BBS9: variants seen among roughly 807,000 people sequenced by gnomAD.
BBS9 encodes the protein protein PTHB1.
A neutral mutation model predicts 117.7 loss-of-function variants in BBS9; 89 were observed. That is an observed-to-expected ratio of 0.76 (90% confidence interval 0.64 to 0.90). The LOEUF is 0.90. BBS9 is among the 40% of genes least tolerant of loss of function. BBS9 has a pLI of 0.00. For missense variants in BBS9, 982 were observed against 1,042.2 expected (o/e 0.94, Z 0.80); for synonymous variants, 379 against 370.9 (o/e 1.02, Z -0.25).
intron 21 of BBS9, among the ~76,000 whole-genome samples, chr7:33,579,282 G>A (rs1198309299): frequency 3.9e-5 from 6 of 152,184 alleles, no homozygotes; most frequent in Non-Finnish European, 8.8e-5. Flanking sequence ...AAGGGAGCCA[G>A]TACAGAAGAC....
At chr7:33,374,524 C>T (rs898601322) in intron 17 of BBS9, among the ~76,000 whole-genome samples, 2 of 152,064 alleles carry the variant, frequency 1.3e-5, no homozygotes, top group African/African-American at 4.8e-5. Flanking sequence ...ATAAATCTAG[C>T]TTGGAAAAAG....
intron 21 of BBS9, among the ~76,000 whole-genome samples, chr7:33,624,713 A>G (rs117359720): frequency 1.2e-3 from 183 of 152,346 alleles, no homozygotes; most frequent in Admixed American, 3.0e-3. Context: ...ATAATTGTAA[A>G]TAGAGAAACC....
chr7:33,527,177 T>C (rs2129050654), intron 20 of BBS9, among the ~76,000 whole-genome samples: 1 of 152,282 alleles, frequency 6.6e-6, no homozygotes, highest in South Asian at 2.1e-4. Context: ...CATTTAAGTC[T>C]GCAGAGGTTA....
downstream of BBS9, chr7:33,606,138 A>C (rs913330023): frequency 1.1e-4 from 16 of 152,118 alleles, no homozygotes; most frequent in African/African-American, 3.6e-4. Context: ...TCAAAAAAAA[A>C]CTGCAGAGGA....
At chr7:33,494,085 T>G (rs1021408162) in intron 19 of BBS9, among the ~76,000 whole-genome samples, 17 of 152,138 alleles carry the variant, frequency 1.1e-4, no homozygotes, top group African/African-American at 3.9e-4. Flanking sequence ...GAAGGATAAC[T>G]GTTTTGAGCA....
At chr7:33,541,200 G>GT (rs1284864566) in intron 21 of BBS9, among the ~76,000 whole-genome samples, 1 of 151,652 alleles carries the variant, frequency 6.6e-6, no homozygotes, top group Non-Finnish European at 1.5e-5. Flanking sequence ...CATGCCTGAA[G>GT]GAAACTCACC....
intron 20 of BBS9, among the ~76,000 whole-genome samples, chr7:33,509,335 C>T (rs1362478257): frequency 1.3e-5 from 2 of 152,120 alleles, no homozygotes; most frequent in Non-Finnish European, 2.9e-5. Flanking sequence ...CACATTATGC[C>T]TTTAGACCTC....
chr7:33,433,000 C>T (rs1390657736), intron 19 of BBS9, among the ~76,000 whole-genome samples: 1 of 152,016 alleles, frequency 6.6e-6, no homozygotes, highest in Admixed American at 6.6e-5. Context: ...TTTATGTATT[C>T]CTTGAGGCAT....
At chr7:33,569,687 G>T (rs770000431) in intron 21 of BBS9, among the ~76,000 whole-genome samples, 2 of 151,946 alleles carry the variant, frequency 1.3e-5, no homozygotes, top group South Asian at 2.1e-4. Context: ...GCGTGAACCC[G>T]GGAGGAGGAA....
At chr7:33,382,081 G>A (rs781034826) in intron 17 of BBS9, among the ~76,000 whole-genome samples, 7 of 152,170 alleles carry the variant, frequency 4.6e-5, no homozygotes, top group Non-Finnish European at 8.8e-5. Context: ...TACTCCCAGT[G>A]TGTCTCTTTA....
chr7:33,162,998 C>T (rs1297847098), intron 4 of BBS9, among the ~76,000 whole-genome samples: 4 of 152,228 alleles, frequency 2.6e-5, no homozygotes, highest in Non-Finnish European at 4.4e-5. Flanking sequence ...TTTTGAGATA[C>T]GTTCCATCAA....
At chr7:33,177,702 C>A in intron 5 of BBS9, 111 bp downstream of exon 5, 1 of 808,456 alleles carries the variant, frequency 1.2e-6, no homozygotes, top group South Asian at 1.4e-5. Context: ...TTAAAATAGA[C>A]ATTTTATTGA....
At chr7:33,264,252 T>C in intron 6 of BBS9, 38 bp from the exon 7 acceptor site, 2 of 1,073,690 alleles carry the variant, frequency 1.9e-6, no homozygotes, top group South Asian at 4.2e-5. Flanking sequence ...TTTTTAATTA[T>C]AAACTCATTT....
intron 12 of BBS9, chr7:33,346,247 G>T: frequency 2.1e-6 from 1 of 470,174 alleles, no homozygotes; most frequent in Admixed American, 2.4e-5. Flanking sequence ...ATACAACCAT[G>T]CAAGTTTCCA....
chr7:33,352,816 T>G, intron 14 of BBS9, 43 bp from the exon 15 acceptor site: 1 of 1,605,184 alleles, frequency 6.2e-7, no homozygotes, highest in Non-Finnish European at 8.5e-7. Context: ...ATTTGTTGCC[T>G]TCTTTTCCCC....
chr7:33,516,542 G>GTAAAGAAAT (rs1484382581), intron 20 of BBS9, among the ~76,000 whole-genome samples: 2 of 144,982 alleles, frequency 1.4e-5, no homozygotes. Context: ...TAAGCACAGA[G>GTAAAGAAAT]TAAAGAAATT....
intron 9 of BBS9, among the ~76,000 whole-genome samples, chr7:33,296,187 T>G (rs1241578513): frequency 6.6e-6 from 1 of 152,176 alleles, no homozygotes; most frequent in African/African-American, 2.4e-5. Flanking sequence ...ACTGATGTAC[T>G]ATTGCTTAAG....
chr7:33,141,961 A>AG (rs1465899310), intron 1 of BBS9, among the ~76,000 whole-genome samples: 1 of 149,690 alleles, frequency 6.7e-6, no homozygotes, highest in African/African-American at 2.5e-5. Flanking sequence ...CTCGAGATGG[A>AG]GTCTCGCTCT....
intron 6 of BBS9, among the ~76,000 whole-genome samples, chr7:33,261,292 T>C (rs1457272773): frequency 6.6e-6 from 1 of 152,202 alleles, no homozygotes. Context: ...TTTTTCTCCT[T>C]GACTAAGCTC....
Sources: gnomAD v4.1 joint callset for allele counts (sites outside exome capture counted in the v4.1 genomes callset) on GRCh38, gnomAD v4.1.1 for gene constraint, MANE v1.5 for transcripts, NCBI Gene and HGNC (gene_info 2026-07-23, HGNC 2026-07-21) for gene names.